Variants in IMPG1 observed in about 807,000 individuals in gnomAD.
IMPG1 encodes interphotoreceptor matrix proteoglycan 1.
IMPG1 carries 85 observed loss-of-function variants against 92.0 expected under a neutral mutation model. The ratio of observed to expected loss-of-function variants is 0.92; its 90% CI spans 0.78 to 1.11. The LOEUF is 1.11. Among genes scored for constraint, IMPG1 ranks in the 50% least tolerant of loss-of-function variants. IMPG1 has a pLI of 0.00. For missense variants in IMPG1, 1,022 were observed against 956.0 expected (o/e 1.07, Z -0.91); for synonymous variants, 367 against 334.1 (o/e 1.10, Z -1.08).
At chr6:75,995,799 T>G (rs1782890090) in intron 12 of IMPG1, among the ~76,000 whole-genome samples, 2 of 152,354 alleles carry the variant, frequency 1.3e-5, no homozygotes, top group South Asian at 2.1e-4. Context: ...TTCCTTCTTT[T>G]CTGCACTTCA....
chr6:76,010,776 A>G (rs948107179), intron 8 of IMPG1, among the ~76,000 whole-genome samples: 1 of 152,196 alleles, frequency 6.6e-6, no homozygotes, highest in African/African-American at 2.4e-5. Flanking sequence ...GTTATTTAGC[A>G]TCCCATAGGA....
chr6:76,033,158 CTG>C (rs1783679845), intron 4 of IMPG1, among the ~76,000 whole-genome samples: 1 of 152,116 alleles, frequency 6.6e-6, no homozygotes, highest in Admixed American at 6.5e-5. Flanking sequence ...AGAGAAGGCC[CTG>C]TGGAAAGAAC....
intron 12 of IMPG1, among the ~76,000 whole-genome samples, chr6:75,964,120 T>G (rs926153732): frequency 2.4e-4 from 36 of 152,210 alleles, no homozygotes; most frequent in African/African-American, 8.7e-4. Context: ...CAGGGCTGTA[T>G]GCATGCTCCG....
chr6:76,008,868 TC>T (rs1259109948), intron 8 of IMPG1, among the ~76,000 whole-genome samples: 2 of 152,188 alleles, frequency 1.3e-5, no homozygotes, highest in African/African-American at 4.8e-5. Flanking sequence ...GTGCGATCCT[TC>T]CCCTTCTATC....
intron 4 of IMPG1, among the ~76,000 whole-genome samples, chr6:76,031,438 T>A (rs1473542397): frequency 6.6e-6 from 1 of 152,192 alleles, no homozygotes; most frequent in Non-Finnish European, 1.5e-5. Context: ...ATACAAAATA[T>A]TATTAATCAG....
At chr6:76,034,253 C>A in intron 4 of IMPG1, 62 bp downstream of exon 4, 1 of 1,497,098 alleles carries the variant, frequency 6.7e-7, no homozygotes, top group South Asian at 1.1e-5. Context: ...TAGTTTCACT[C>A]CATTATATGA....
At chr6:76,034,507 A>G (rs1430030295) in intron 3 of IMPG1, 114 bp downstream of exon 3, 40 of 1,270,472 alleles carry the variant, frequency 3.1e-5, no homozygotes, top group Non-Finnish European at 3.9e-5. Flanking sequence ...GATACCTCCA[A>G]GCACTTCTTC....
At chr6:76,033,672 C>A (rs550397771) in intron 4 of IMPG1, among the ~76,000 whole-genome samples, 1 of 152,080 alleles carries the variant, frequency 6.6e-6, no homozygotes, top group African/African-American at 2.4e-5. Context: ...ATTCATATGG[C>A]CAAATTTGCG....
Position 76,056,277 on chromosome 6 carries a change from A to G in IMPG1, c.68-14151T>C, listed in dbSNP as rs973032272. Among the ~76,000 whole-genome samples, 7 of 152,184 alleles carry G rather than the reference A, an allele frequency of 4.6e-5. No individual in the cohort carries two copies. The East Asian group carries it at 1.3e-3, about 29-fold the overall frequency. Reference sequence around the variant, plus strand: ...GAAGAAACAATAAATTTCTATGTTTATTCATGATTAAAAACTCAACAAATT... The same window carrying G: ...GAAGAAACAATAAATTTCTATGTTTGTTCATGATTAAAAACTCAACAAATT... On this transcript the variant is annotated intron_variant, in intron 1 of 16. Coordinates refer to ENST00000369950, the MANE Select transcript of IMPG1 (RefSeq NM_001563.4).
chr6:75,994,595 T>C (rs1782866442), intron 12 of IMPG1, among the ~76,000 whole-genome samples: 1 of 152,142 alleles, frequency 6.6e-6, no homozygotes, highest in South Asian at 2.1e-4. Context: ...ACAGCAGGCA[T>C]AGAGAGAGAG....
chr6:76,050,242 C>T (rs1784016808), intron 1 of IMPG1, among the ~76,000 whole-genome samples: 1 of 152,062 alleles, frequency 6.6e-6, no homozygotes, highest in African/African-American at 2.4e-5. Flanking sequence ...GAGTTCGAGA[C>T]TAGCCTGGCC....
chr6:76,044,742 G>C (rs762703773), intron 1 of IMPG1, among the ~76,000 whole-genome samples: 113 of 148,636 alleles, frequency 7.6e-4, no homozygotes, highest in African/African-American at 2.7e-3. Flanking sequence ...TCCTATCAGG[G>C]TAGGTAACTT....
At chr6:75,971,787 C>T (rs1401655220) in intron 12 of IMPG1, among the ~76,000 whole-genome samples, 1 of 152,092 alleles carries the variant, frequency 6.6e-6, no homozygotes, top group Non-Finnish European at 1.5e-5. Flanking sequence ...TACAGTAGTG[C>T]AAATTATTCT....
chr6:76,030,960 G>T (rs985394918), intron 4 of IMPG1, among the ~76,000 whole-genome samples: 7 of 152,128 alleles, frequency 4.6e-5, no homozygotes, highest in African/African-American at 1.7e-4. Flanking sequence ...ATCCTCGTTT[G>T]GTGCGGAACC....
chr6:75,978,524 C>G (rs1782574895), intron 12 of IMPG1, among the ~76,000 whole-genome samples: 1 of 152,132 alleles, frequency 6.6e-6, no homozygotes, highest in East Asian at 1.9e-4. Flanking sequence ...AATGAAAACT[C>G]CTACTCAAAA....
chr6:75,930,029 C>T (rs1781637733), intron 15 of IMPG1, among the ~76,000 whole-genome samples: 1 of 152,138 alleles, frequency 6.6e-6, no homozygotes. Context: ...TGTGGATGTT[C>T]ATCCTTTGTC....
intron 1 of IMPG1, among the ~76,000 whole-genome samples, chr6:76,068,802 C>G (rs112204118): frequency 0.026 from 3,887 of 151,998 alleles, 140 homozygotes; most frequent in African/African-American, 0.086. Flanking sequence ...CAAGCGTGAG[C>G]CAACGCACCA....
rs9689789 is a variant in IMPG1 at position 75,937,391 on chromosome 6, T to C, written c.2045-6240A>G. 2.8e-3 allele frequency among the ~76,000 whole-genome samples: 427 copies of C among 152,300 alleles called. 2 individuals are homozygous for C. Among genetic ancestry groups the C allele is most frequent in the African/African-American group, 9.9e-3 (413 of 41,572 alleles). On this transcript the variant is annotated intron_variant, in intron 14 of 16. Transcript: ENST00000369950. ...GAAGTGTGTTGTCACTTTTTCTAAA[T>C]AAACAGCCTCTATAACCCAGTTAGA...
In IMPG1 at chr6:75,950,440, G is replaced by C. The variant is rs1284896366; in HGVS notation, c.1824+122C>G. ...TTCTAGTTGAATGTCTTCAGCAACA[G>C]CTGGCTTGGCGGTTTGTTTCTACTA... On this transcript the variant is annotated intron_variant, in intron 13 of 16. Transcript: ENST00000369950. 9.7e-6 allele frequency: 8 copies of C among 827,182 alleles called. No individual in the cohort carries two copies. The South Asian group carries it at 1.4e-4, about 14-fold the overall frequency. 51.2% of individuals were successfully genotyped at this position (827,182 alleles called of 1,614,324 possible). A position where few individuals can be genotyped will look rare whatever the true frequency, so the allele number is the denominator to read the frequency against.
Sources: gnomAD v4.1 joint callset for allele counts (sites outside exome capture counted in the v4.1 genomes callset) on GRCh38, gnomAD v4.1.1 for gene constraint, MANE v1.5 for transcripts, NCBI Gene and HGNC (gene_info 2026-07-23, HGNC 2026-07-21) for gene names.